Variants in MICALL2 observed in about 807,000 individuals in gnomAD.
The protein encoded by MICALL2 is MICAL like 2.
MICALL2 carries 111 observed loss-of-function variants against 91.1 expected under a neutral mutation model. That is an observed-to-expected ratio of 1.22 (90% CI 1.04 to 1.43). The LOEUF (loss-of-function observed/expected upper bound fraction) is 1.43, where lower values mean the gene tolerates loss of function less well. Among genes scored for constraint, MICALL2 ranks in the 40% most tolerant of loss-of-function variants. The pLI, the probability that MICALL2 is intolerant of heterozygous loss-of-function variation, is 0.00. For missense variants in MICALL2, 1,556 were observed against 1,236.0 expected (o/e 1.26, Z -3.88); for synonymous variants, 694 against 525.3 (o/e 1.32, Z -4.39).
In MICALL2 at chr7:1,434,549, C is replaced by T. The variant is rs1482387443; in HGVS notation, c.*47G>A. On this transcript the variant is annotated 3_prime_UTR_variant, in exon 17 of 17. Transcript: ENST00000297508. ...CGGGCCAAGCCCATGGCCCCGAGTC[C>T]AAGTCCGGATGCCAGGTCCGGGCCG... 1 of 1,545,066 alleles carries T rather than the reference C, an allele frequency of 6.5e-7. No homozygotes were observed.
At chr7:1,439,168 C>G in intron 9 of MICALL2, 173 bp from the exon 10 acceptor site, 1 of 582,888 alleles carries the variant, frequency 1.7e-6, no homozygotes, top group South Asian at 2.2e-5. Flanking sequence ...CCTGCCCAAC[C>G]TGGCCATGTC....
At chr7:1,434,940 A>G (rs1779890235) in intron 16 of MICALL2, 161 bp downstream of exon 16, 1 of 832,392 alleles carries the variant, frequency 1.2e-6, no homozygotes, top group Non-Finnish European at 1.9e-6. Flanking sequence ...CTCAGGGTGA[A>G]CCTGCCTGTC....
In MICALL2 at chr7:1,451,678, C is replaced by T. The variant is rs1780832954; in HGVS notation, c.144-1390G>A. Among the ~76,000 whole-genome samples the T allele has an allele frequency of 1.3e-5, 2 of 152,222 alleles. No homozygotes were observed. Among genetic ancestry groups the T allele is most frequent in the Admixed American group, 1.3e-4 (2 of 15,286 alleles). On this transcript the variant is annotated intron_variant, in intron 1 of 16. Transcript: ENST00000297508. This position sits in a 1 kb window ranked among gnomAD's most constrained non-coding sequence, Gnocchi z 4.5. ...CCTCACCCCGGCCTGCATGTCTGAC[C>T]CCGGCCAGCCTCGGTCTCAGGGCCT... is the stretch of plus-strand genomic sequence containing the variant.
At chr7:1,440,519 A>C in intron 8 of MICALL2, 72 bp downstream of exon 8, 1 of 1,357,184 alleles carries the variant, frequency 7.4e-7, no homozygotes, top group Non-Finnish European at 1.1e-6. Flanking sequence ...CAATCGGTCG[A>C]TTACATACTC....
At position 1,437,940 on chromosome 7, in the gene MICALL2, G is replaced by A. The variant is rs779684025; in HGVS notation, c.2352C>T (p.Leu784=). The A allele has an allele frequency of 4.5e-6, 7 of 1,549,804 alleles. No homozygotes were observed. Among genetic ancestry groups the A allele is most frequent in the South Asian group, 2.4e-5 (2 of 84,040 alleles). Residue 784 remains leucine (L), a synonymous_variant, in exon 13 of 17, where the codon CTC becomes CTT. Coordinates refer to ENST00000297508, the MANE Select transcript of MICALL2 (RefSeq NM_182924.4). Reference sequence around the variant, plus strand: ...TCAGCAGAAGCTGCTTCTCGTGAATGAGCCAGAACCAGTCCACCATGAGGC... The same window carrying A: ...TCAGCAGAAGCTGCTTCTCGTGAATAAGCCAGAACCAGTCCACCATGAGGC... ...EDSLMVDWFW[L]IHEKQLLLRQ...
intron 1 of MICALL2, among the ~76,000 whole-genome samples, chr7:1,453,026 A>C (rs1780891885): frequency 6.7e-6 from 1 of 149,318 alleles, no homozygotes; most frequent in African/African-American, 2.5e-5. Flanking sequence ...CCGAGCTCAC[A>C]CCCCCGGGGC....
Position 1,444,727 on chromosome 7 carries a change from C to T in MICALL2, c.1343G>A (p.Ser448Asn), listed in dbSNP as rs1401101649. 5 of 1,612,480 alleles carry T rather than the reference C, an allele frequency of 3.1e-6. No homozygotes were observed. The highest frequency in any genetic ancestry group is 4.2e-6 in the Non-Finnish European group (5 of 1,179,880). The change falls in exon 6 of 17, where the codon AGC (serine) becomes AAC (asparagine). Residue 448 changes from serine (S) to asparagine (N), a missense_variant. Coordinates refer to ENST00000297508, the MANE Select transcript of MICALL2 (RefSeq NM_182924.4). ...TPSLVLSKDS[S>N]KEQARNFLKQ... is the part of the protein sequence containing the mutation. ...GAGGAAGTTCCGCGCCTGCTCCTTG[C>T]TGCTGTCCTTGGATAGAACAAGTGA...
intron 8 of MICALL2, 162 bp downstream of exon 8, chr7:1,440,429 C>CG (rs964563997): frequency 1.3e-5 from 9 of 687,122 alleles, no homozygotes; most frequent in African/African-American, 1.2e-4. Flanking sequence ...CCAGGGACAG[C>CG]GGCCCCCATG....
chr7:1,446,945 A>T, intron 4 of MICALL2, 117 bp from the exon 5 acceptor site: 4 of 719,824 alleles, frequency 5.6e-6, no homozygotes, highest in Non-Finnish European at 9.0e-6. Flanking sequence ...CCAGGAGAGG[A>T]GCCGCCAGCA....
intron 16 of MICALL2, 164 bp from the exon 17 acceptor site, chr7:1,434,836 C>A: frequency 3.8e-6 from 3 of 793,384 alleles, no homozygotes; most frequent in Non-Finnish European, 5.9e-6. Flanking sequence ...TGAGAACCTG[C>A]CCCGACTGGG....
chr7:1,444,983 C>T lies in MICALL2; in HGVS notation c.1087G>A (p.Ala363Thr), dbSNP rs1304638450. 11 of 1,506,424 alleles carry T rather than the reference C, an allele frequency of 7.3e-6. No homozygotes were observed. The highest frequency in any genetic ancestry group is 1.7e-4 in the Middle Eastern group (1 of 5,722). The allele number at this position is 1,506,424 out of a possible 1,614,324, so 93.3% of individuals were successfully genotyped here. Residue 363 changes from alanine to threonine, a missense_variant, in exon 6 of 17, where the codon GCC (alanine) becomes ACC (threonine). Coordinates refer to ENST00000297508, the MANE Select transcript of MICALL2 (RefSeq NM_182924.4). ...PCTAAAASHP[A>T]VPPSAPDPRP... ...GGGTCTGGGGCACTCGGGGGCACGG[C>T]GGGATGGGAGGCAGCCGCTGCTGTG...
In MICALL2 at chr7:1,448,887, C is replaced by A. The variant is rs1055476355; in HGVS notation, c.193-126G>T. ...AAGAGGCGTGGGTTGGAGGCCGGAGCTGAGTTCTGCTCGCGTGGCCTCCCG... is the reference window on the plus strand; with the variant it reads ...AAGAGGCGTGGGTTGGAGGCCGGAGATGAGTTCTGCTCGCGTGGCCTCCCG... On this transcript the variant is annotated intron_variant, in intron 2 of 16. Coordinates refer to ENST00000297508, the MANE Select transcript of MICALL2 (RefSeq NM_182924.4). The A allele has an allele frequency of 2.6e-6, 3 of 1,154,984 alleles. No individual in the cohort carries two copies. In the Admixed American group the frequency reaches 6.8e-5, roughly 26 times the overall value. 71.5% of individuals were successfully genotyped at this position (1,154,984 alleles called of 1,614,324 possible).
In MICALL2 at chr7:1,442,305, G is replaced by A. The variant is rs753308017; in HGVS notation, c.1598C>T (p.Pro533Leu). Residue 533 changes from proline to leucine, a missense_variant, in exon 7 of 17, where the codon CCG (proline) becomes CTG (leucine). Coordinates refer to ENST00000297508, the MANE Select transcript of MICALL2 (RefSeq NM_182924.4). ...TTCCGCCAAGTTCCTCCTGCCTGCC[G>A]GGGGCAACGCGGATGCCTGAGAGGT... is the stretch of plus-strand genomic sequence containing the variant. ...SSTSQASALP[P>L]AGRRNLAESS... 3.7e-5 allele frequency: 59 copies of A among 1,609,174 alleles called. No homozygotes were observed. Among genetic ancestry groups the A allele is most frequent in the South Asian group, 3.5e-4 (32 of 90,942 alleles).
chr7:1,438,932 T>C lies in MICALL2; in HGVS notation c.2030A>G (p.Asp677Gly), dbSNP rs1413175880. ...AGGGGGCTCCGGCCGAAGCCAGTTG[T>C]CACAAACGTCGAGGCTGGCAGGGAC... is the stretch of plus-strand genomic sequence containing the variant. ...LAVPASLDVCDNWLRPEPPGQ... is the reference protein window; with the variant it reads ...LAVPASLDVCGNWLRPEPPGQ... The change falls in exon 10 of 17, where the codon GAC becomes GGC. Residue 677 changes from aspartate (D) to glycine (G), a missense_variant. Asp to Gly is a moderately conservative substitution (Grantham distance 94). Coordinates refer to ENST00000297508, the MANE Select transcript of MICALL2 (RefSeq NM_182924.4). 6 of 1,606,882 alleles carry C rather than the reference T, an allele frequency of 3.7e-6. No homozygotes were observed. The highest frequency in any genetic ancestry group is 5.1e-6 in the Non-Finnish European group (6 of 1,179,488).
chr7:1,438,051 T>C (rs1347838178), intron 12 of MICALL2, 46 bp downstream of exon 12: 2 of 1,560,596 alleles, frequency 1.3e-6, no homozygotes, highest in Admixed American at 1.9e-5. Flanking sequence ...GGACTGAGGG[T>C]GTCTGTGGGA....
intron 5 of MICALL2, 25 bp from the exon 6 acceptor site, chr7:1,445,453 C>A: frequency 6.7e-7 from 1 of 1,483,634 alleles, no homozygotes; most frequent in Non-Finnish European, 8.9e-7. Context: ...GCACAGGAGC[C>A]CCAGCTCGGC....
rs546846080 is a variant in MICALL2, at chr7:1,447,200, C to T, written c.526-372G>A. ...TGCCAACCACCAGATATTTGCCCAC[C>T]GCCTTCCACCCCAACTCCGCTTCTG... On this transcript the variant is annotated intron_variant, in intron 4 of 16. Coordinates refer to ENST00000297508, the MANE Select transcript of MICALL2 (RefSeq NM_182924.4). 3.3e-5 allele frequency among the ~76,000 whole-genome samples: 5 copies of T among 152,300 alleles called. No homozygotes were observed. In the East Asian group the frequency reaches 5.8e-4, roughly 18 times the overall value.
intron 16 of MICALL2, 68 bp from the exon 17 acceptor site, chr7:1,434,740 C>T: frequency 1.4e-6 from 2 of 1,441,366 alleles, no homozygotes; most frequent in South Asian, 1.4e-5. Context: ...CCACACAAGT[C>T]CCCCTGCCAG....
rs1311916139 is a variant in MICALL2, at chr7:1,451,226, G to C, written c.144-938C>G. On this transcript the variant is annotated intron_variant, in intron 1 of 16. Transcript: ENST00000297508. This position sits in a 1 kb window ranked among gnomAD's most constrained non-coding sequence, Gnocchi z 4.5. ...CCCACGTGACCTCCAGCTGGTCCTG[G>C]GACTCCTGATGGGCACCTTGGGAGG... Among the ~76,000 whole-genome samples the C allele has an allele frequency of 1.3e-5, 2 of 152,050 alleles. No homozygotes were observed. Among genetic ancestry groups the C allele is most frequent in the Non-Finnish European group, 2.9e-5 (2 of 68,008 alleles).
Sources: gnomAD v4.1 joint callset for allele counts (sites outside exome capture counted in the v4.1 genomes callset) on GRCh38, gnomAD v4.1.1 for gene constraint, Gnocchi (gnomAD v3.1) non-coding constraint, MANE v1.5 for transcripts, NCBI Gene and HGNC (gene_info 2026-07-23, HGNC 2026-07-21) for gene names.